MARCHF1: variants seen among roughly 807,000 people sequenced by gnomAD.
MARCHF1 encodes membrane associated ring-CH-type finger 1, also known as E3 ubiquitin-protein ligase MARCHF1.
Under a neutral mutation model 54.2 loss-of-function variants are expected in MARCHF1, and 40 were observed. The observed-to-expected ratio is 0.74, with a 90% confidence interval of 0.57 to 0.96. The LOEUF is 0.96. Among genes scored for constraint, MARCHF1 ranks in the 40% least tolerant of loss-of-function variants. The probability of loss-of-function intolerance (pLI) is 0.00; values close to 1 mark genes in which losing one functional copy is unlikely to be tolerated. For synonymous variants in MARCHF1, 236 were observed against 236.3 expected (o/e 1.00, Z 0.01); for missense variants, 586 against 656.5 (o/e 0.89, Z 1.17).
chr4:163,993,955 A>T (rs1753014729), intron 2 of MARCHF1, among the ~76,000 whole-genome samples: 1 of 152,152 alleles, frequency 6.6e-6, no homozygotes, highest in Non-Finnish European at 1.5e-5. Context: ...TAAAAACAAG[A>T]TTTATTTTGG....
chr4:163,902,975 A>G (rs945081253), intron 3 of MARCHF1, among the ~76,000 whole-genome samples: 3 of 151,994 alleles, frequency 2.0e-5, no homozygotes, highest in Admixed American at 2.0e-4. Context: ...TACTCCCACC[A>G]TACTTGCACT....
chr4:164,367,340 T>C (rs928575417), intron 1 of MARCHF1, among the ~76,000 whole-genome samples: 1 of 152,132 alleles, frequency 6.6e-6, no homozygotes, highest in Non-Finnish European at 1.5e-5. Flanking sequence ...TTATCCATAC[T>C]AAGGAAAATT....
intron 5 of MARCHF1, among the ~76,000 whole-genome samples, chr4:163,613,968 A>G (rs1579113973): frequency 6.6e-6 from 1 of 152,274 alleles, no homozygotes; most frequent in East Asian, 1.9e-4. Context: ...TTTTAACCCT[A>G]TAACCATACT....
At chr4:164,350,932 G>A (rs1031365661) in intron 1 of MARCHF1, among the ~76,000 whole-genome samples, 13 of 152,158 alleles carry the variant, frequency 8.5e-5, no homozygotes, top group East Asian at 1.9e-4. Flanking sequence ...GAAGCAGGGC[G>A]AGGCATTGCC....
At chr4:164,196,274 T>G (rs987799835) in intron 1 of MARCHF1, among the ~76,000 whole-genome samples, 3 of 152,166 alleles carry the variant, frequency 2.0e-5, no homozygotes, top group African/African-American at 7.2e-5. Flanking sequence ...CTAAAATAAC[T>G]ATATTCATAA....
intron 2 of MARCHF1, among the ~76,000 whole-genome samples, chr4:164,035,013 G>A (rs1200945105): frequency 9.2e-5 from 14 of 152,062 alleles, no homozygotes; most frequent in Non-Finnish European, 1.9e-4. Flanking sequence ...CTAAACACAT[G>A]TAATGTATCA....
At chr4:163,531,689 G>A (rs1738358530) in intron 9 of MARCHF1, among the ~76,000 whole-genome samples, 1 of 151,698 alleles carries the variant, frequency 6.6e-6, no homozygotes, top group South Asian at 2.1e-4. Flanking sequence ...AAATCTCAAA[G>A]AACTGATTAA....
chr4:163,818,727 A>G (rs1303792397), intron 4 of MARCHF1, among the ~76,000 whole-genome samples: 2 of 152,032 alleles, frequency 1.3e-5, no homozygotes, highest in Admixed American at 1.3e-4. Context: ...CCAGGTTTTA[A>G]TTGACCTCTC....
At chr4:163,818,914 G>A (rs1291428392) in intron 4 of MARCHF1, among the ~76,000 whole-genome samples, 1 of 152,030 alleles carries the variant, frequency 6.6e-6, no homozygotes, top group Non-Finnish European at 1.5e-5. Flanking sequence ...ATTGTTAGCA[G>A]CAACTGACAT....
chr4:163,665,145 C>A (rs1743486529), intron 5 of MARCHF1, among the ~76,000 whole-genome samples: 1 of 151,892 alleles, frequency 6.6e-6, no homozygotes, highest in Non-Finnish European at 1.5e-5. Context: ...CAGAACAGTC[C>A]ACAGAATTAA....
chr4:163,876,951 G>GAAAAC (rs1560799743), intron 3 of MARCHF1, among the ~76,000 whole-genome samples: 1 of 151,950 alleles, frequency 6.6e-6, no homozygotes, highest in African/African-American at 2.4e-5. Flanking sequence ...AGGCCATAAC[G>GAAAAC]AAAAAGATAA....
intron 1 of MARCHF1, among the ~76,000 whole-genome samples, chr4:164,319,771 G>A (rs1735093319): frequency 6.6e-6 from 1 of 152,058 alleles, no homozygotes; most frequent in African/African-American, 2.4e-5. Flanking sequence ...TGGTCTTTGT[G>A]AATGACTTAT....
chr4:164,051,803 T>A (rs1754374265), intron 2 of MARCHF1, among the ~76,000 whole-genome samples: 1 of 152,186 alleles, frequency 6.6e-6, no homozygotes, highest in Non-Finnish European at 1.5e-5. Flanking sequence ...TACAGAAGTC[T>A]TTAGAGTTAG....
At chr4:163,777,740 T>A (rs1211516748) in intron 4 of MARCHF1, among the ~76,000 whole-genome samples, 3 of 152,176 alleles carry the variant, frequency 2.0e-5, no homozygotes, top group Non-Finnish European at 4.4e-5. Context: ...CTCCTTCATA[T>A]TTTTTACTGT....
At chr4:163,851,752 G>A (rs969739489) in intron 4 of MARCHF1, among the ~76,000 whole-genome samples, 3 of 152,176 alleles carry the variant, frequency 2.0e-5, no homozygotes, top group Non-Finnish European at 4.4e-5. Flanking sequence ...TGAAATGGAA[G>A]GACGTCCTTG....
intron 3 of MARCHF1, among the ~76,000 whole-genome samples, chr4:163,901,019 C>G (rs1750928378): frequency 6.6e-6 from 1 of 152,144 alleles, no homozygotes; most frequent in South Asian, 2.1e-4. Context: ...CATTGCTACA[C>G]TTTTGTTCAC....
At chr4:163,839,412 T>C (rs1202375404) in intron 4 of MARCHF1, among the ~76,000 whole-genome samples, 1 of 152,092 alleles carries the variant, frequency 6.6e-6, no homozygotes, top group Non-Finnish European at 1.5e-5. Flanking sequence ...AAGCTTGCAT[T>C]TTGAATGATC....
chr4:164,341,290 A>AC (rs398108254), intron 1 of MARCHF1, among the ~76,000 whole-genome samples: 6 of 149,800 alleles, frequency 4.0e-5, no homozygotes, highest in Non-Finnish European at 8.9e-5. Context: ...AAAAAAAAAA[A>AC]CCCCAGCATA....
rs541205489 is a variant in MARCHF1, at chr4:164,094,151, T to G, written c.-248+17437A>C. 1.2e-4 allele frequency among the ~76,000 whole-genome samples: 18 copies of G among 152,190 alleles called. No individual in the cohort carries two copies. The South Asian group carries it at 3.7e-3, about 32-fold the overall frequency. On this transcript the variant is annotated intron_variant, in intron 2 of 9. Transcript: ENST00000514618. Reference sequence around the variant, plus strand: ...CTGTGCAGGACATTCCTGTAAGAAGTGGATGGACGTGCCAGCAAAATAAAA... The same window carrying G: ...CTGTGCAGGACATTCCTGTAAGAAGGGGATGGACGTGCCAGCAAAATAAAA...
Sources: allele counts gnomAD v4.1 joint callset (sites outside exome capture counted in the v4.1 genomes callset), GRCh38; gene constraint gnomAD v4.1.1; transcripts MANE v1.5; gene names NCBI Gene and HGNC (gene_info 2026-07-23, HGNC 2026-07-21).